The following PTCHD4 variants were observed in gnomAD, a reference collection of about 807,000 sequenced individuals.
PTCHD4 encodes the protein patched domain-containing protein 4.
Under a neutral mutation model 58.1 loss-of-function variants are expected in PTCHD4, and 33 were observed. The observed-to-expected ratio is 0.57, with a 90% confidence interval of 0.43 to 0.76. The LOEUF is 0.76. PTCHD4 is among the 30% of genes least tolerant of loss of function. PTCHD4 has a pLI of 0.00. For missense variants in PTCHD4, 1,058 were observed against 1,027.1 expected, an observed-to-expected ratio of 1.03 and a Z score of -0.41; for synonymous variants, 478 against 409.6, an observed-to-expected ratio of 1.17 and a Z score of -2.02.
At chr6:47,883,851 A>G (rs776766297) in intron 4 of PTCHD4, among the ~76,000 whole-genome samples, 3 of 152,174 alleles carry the variant, frequency 2.0e-5, no homozygotes, top group Non-Finnish European at 4.4e-5. Flanking sequence ...TTTGGCTTCA[A>G]TTGAAAATTA....
intron 1 of PTCHD4, among the ~76,000 whole-genome samples, chr6:48,073,759 AC>A (rs992856825): frequency 2.6e-5 from 4 of 152,150 alleles, no homozygotes; most frequent in Non-Finnish European, 5.9e-5. Context: ...GAAGAAGCAC[AC>A]CTGGGAGGTT....
intron 1 of PTCHD4, among the ~76,000 whole-genome samples, chr6:48,096,508 A>T (rs1765472992): frequency 6.6e-6 from 1 of 151,648 alleles, no homozygotes; most frequent in Non-Finnish European, 1.5e-5. Flanking sequence ...GCTACTCAGG[A>T]GGCTGAGGCA....
intron 4 of PTCHD4, among the ~76,000 whole-genome samples, chr6:47,943,619 T>G (rs1266550022): frequency 6.6e-6 from 1 of 152,122 alleles, no homozygotes; most frequent in Non-Finnish European, 1.5e-5. Context: ...TCCCCCCTGC[T>G]GCTTGTTTTT....
chr6:47,962,046 GAA>G (rs1482253461), intron 4 of PTCHD4, among the ~76,000 whole-genome samples: 1 of 151,852 alleles, frequency 6.6e-6, no homozygotes. Context: ...AAATAAAGAA[GAA>G]AAAATCAGTC....
intron 4 of PTCHD4, among the ~76,000 whole-genome samples, chr6:47,894,026 C>T (rs1245236022): frequency 6.6e-6 from 1 of 152,194 alleles, no homozygotes; most frequent in African/African-American, 2.4e-5. Flanking sequence ...CTGCAAATAA[C>T]AGCAAACCAT....
intron 3 of PTCHD4, among the ~76,000 whole-genome samples, chr6:48,011,510 C>T (rs1325985189): frequency 6.6e-6 from 1 of 152,078 alleles, no homozygotes; most frequent in Non-Finnish European, 1.5e-5. Context: ...AATTTTCTCC[C>T]ATTCTGTGGG....
At chr6:47,958,701 T>C (rs906182943) in intron 4 of PTCHD4, among the ~76,000 whole-genome samples, 2 of 152,106 alleles carry the variant, frequency 1.3e-5, no homozygotes, top group South Asian at 4.1e-4. Context: ...GGAGTACTGA[T>C]TAGCACATGT....
intron 4 of PTCHD4, among the ~76,000 whole-genome samples, chr6:47,981,561 T>C (rs1270418471): frequency 6.6e-6 from 1 of 152,196 alleles, no homozygotes; most frequent in African/African-American, 2.4e-5. Context: ...TCTGATCTTT[T>C]GGTAGAATTT....
At chr6:48,013,392 C>G (rs1363652110) in intron 3 of PTCHD4, among the ~76,000 whole-genome samples, 1 of 132,846 alleles carries the variant, frequency 7.5e-6, no homozygotes, top group Non-Finnish European at 1.6e-5. Flanking sequence ...TTTTTTTTCT[C>G]AGAATGTCTC....
chr6:47,982,492 T>TG (rs1224435560), intron 4 of PTCHD4, among the ~76,000 whole-genome samples: 1 of 149,046 alleles, frequency 6.7e-6, no homozygotes, highest in Non-Finnish European at 1.5e-5. Context: ...TTTTTTTTTT[T>TG]TTTTTTTGTT....
intron 1 of PTCHD4, among the ~76,000 whole-genome samples, chr6:48,081,804 CTT>C (rs1765173209): frequency 6.6e-6 from 1 of 152,168 alleles, no homozygotes; most frequent in African/African-American, 2.4e-5. Flanking sequence ...AGCAGAGAAA[CTT>C]AGCTATGTTG....
intron 3 of PTCHD4, among the ~76,000 whole-genome samples, chr6:48,036,381 G>T (rs1352066021): frequency 6.6e-6 from 1 of 152,018 alleles, no homozygotes; most frequent in Non-Finnish European, 1.5e-5. Flanking sequence ...GTTTCCTGTG[G>T]TCAAGTATGG....
At chr6:48,052,234 AC>A (rs1471841483) in intron 3 of PTCHD4, among the ~76,000 whole-genome samples, 4 of 152,022 alleles carry the variant, frequency 2.6e-5, no homozygotes, top group Non-Finnish European at 5.9e-5. Context: ...GGAGCTAAAA[AC>A]AAAAAGGGTA....
At chr6:48,078,700 C>T (rs992956766) in intron 1 of PTCHD4, among the ~76,000 whole-genome samples, 3 of 151,892 alleles carry the variant, frequency 2.0e-5, no homozygotes, top group Non-Finnish European at 2.9e-5. Context: ...TTTTACCTTT[C>T]TCTCAGCAGA....
intron 3 of PTCHD4, among the ~76,000 whole-genome samples, chr6:48,014,258 C>T (rs111248779): frequency 7.2e-5 from 11 of 152,224 alleles, no homozygotes; most frequent in African/African-American, 2.4e-4. Flanking sequence ...CTGAGAAATA[C>T]ACTTTTGTAC....
rs569577853 is a variant in PTCHD4 at position 48,069,143 on chromosome 6, G to T, written c.-186C>A. Reference sequence around the variant, plus strand: ...GAAGCAGACATGTGCCCCATAAAGGGGGGGGGGGCTGAGGGGGGGAGAGGA... The same window carrying T: ...GAAGCAGACATGTGCCCCATAAAGGTGGGGGGGGCTGAGGGGGGGAGAGGA... On this transcript the variant is annotated 5_prime_UTR_variant, in exon 2 of 5. Transcript: ENST00000339488. 4.7e-3 allele frequency among the ~76,000 whole-genome samples: 666 copies of T among 141,990 alleles called. 17 individuals are homozygous for T. The highest frequency in any genetic ancestry group is 0.011 in the African/African-American group (439 of 38,344). The allele number at this position is 141,990 out of a possible 152,430, so 93.2% of individuals were successfully genotyped here.
intron 3 of PTCHD4, among the ~76,000 whole-genome samples, chr6:48,040,890 C>G (rs145153085): frequency 6.6e-6 from 1 of 151,952 alleles, no homozygotes; most frequent in Admixed American, 6.6e-5. Flanking sequence ...CCTACAAAGA[C>G]GTAAAATCTC....
rs188903586 is a variant in PTCHD4, at chr6:47,972,306, G to C, written c.898+36328C>G. Reference sequence around the variant, plus strand: ...CCATTTAAAGGTAGAACTTAAATTAGGCAAGTGGGAGGATAATGGTTATGT... The same window carrying C: ...CCATTTAAAGGTAGAACTTAAATTACGCAAGTGGGAGGATAATGGTTATGT... On this transcript the variant is annotated intron_variant, in intron 4 of 4. Coordinates refer to ENST00000339488, the MANE Select transcript of PTCHD4 (RefSeq NM_001384253.1). 9.9e-5 allele frequency among the ~76,000 whole-genome samples: 15 copies of C among 152,244 alleles called. 1 individual carries two copies. In the East Asian group the frequency reaches 2.9e-3, roughly 29 times the overall value.
intron 4 of PTCHD4, among the ~76,000 whole-genome samples, chr6:47,945,086 C>A (rs530341032): frequency 6.6e-6 from 1 of 151,948 alleles, no homozygotes; most frequent in Non-Finnish European, 1.5e-5. Context: ...CAATGACATA[C>A]GATGGGTAAT....
Sources: gnomAD v4.1 joint callset for allele counts (sites outside exome capture counted in the v4.1 genomes callset) on GRCh38, gnomAD v4.1.1 for gene constraint, MANE v1.5 for transcripts, NCBI Gene and HGNC (gene_info 2026-07-23, HGNC 2026-07-21) for gene names.